Variants in SLC26A7 observed in about 807,000 individuals in gnomAD.
SLC26A7 encodes anion exchange transporter.
Under a neutral mutation model 82.5 loss-of-function variants are expected in SLC26A7, and 59 were observed. That is an observed-to-expected ratio of 0.72 (90% confidence interval 0.58 to 0.89). SLC26A7 has a LOEUF of 0.89. Ranked by LOEUF, SLC26A7 falls within the 40% of genes least tolerant of loss-of-function variation. The pLI is 0.00. For missense variants in SLC26A7, 820 were observed against 793.0 expected, an observed-to-expected ratio of 1.03 and a Z score of -0.41; for synonymous variants, 271 against 274.3, an observed-to-expected ratio of 0.99 and a Z score of 0.12.
intron 9 of SLC26A7, among the ~76,000 whole-genome samples, chr8:91,349,763 T>C (rs1049239431): frequency 6.6e-6 from 1 of 152,146 alleles, no homozygotes; most frequent in Non-Finnish European, 1.5e-5. Flanking sequence ...TGTAAAGATA[T>C]GAGTGAAGAG....
intron 8 of SLC26A7, among the ~76,000 whole-genome samples, chr8:91,342,527 A>C (rs1323618480): frequency 6.6e-6 from 1 of 152,200 alleles, no homozygotes; most frequent in East Asian, 1.9e-4. Context: ...TGGATTGGAT[A>C]TGGGTGCCAT....
intron 2 of SLC26A7, among the ~76,000 whole-genome samples, chr8:91,277,145 C>G (rs756239362): frequency 1.3e-5 from 2 of 152,150 alleles, no homozygotes; most frequent in African/African-American, 4.8e-5. Context: ...CTAATGCACC[C>G]TCAGGAACCC....
At chr8:91,260,923 A>G (rs1012992200) in intron 2 of SLC26A7, among the ~76,000 whole-genome samples, 32 of 152,126 alleles carry the variant, frequency 2.1e-4, no homozygotes, top group Non-Finnish European at 4.1e-4. Flanking sequence ...TCACACAATT[A>G]TGGTTGTTGA....
intron 5 of SLC26A7, among the ~76,000 whole-genome samples, chr8:91,322,038 T>G (rs1004051918): frequency 1.1e-4 from 17 of 152,128 alleles, no homozygotes; most frequent in Admixed American, 2.6e-4. Context: ...ATGTAAAAAA[T>G]TATGCATTTT....
At chr8:91,371,863 G>A (rs977264356) in intron 15 of SLC26A7, among the ~76,000 whole-genome samples, 14 of 151,842 alleles carry the variant, frequency 9.2e-5, no homozygotes, top group African/African-American at 3.4e-4. Context: ...CCTACAGTGT[G>A]TAACCATTTC....
chr8:91,298,207 G>A (rs1168979565), intron 4 of SLC26A7, among the ~76,000 whole-genome samples: 1 of 151,750 alleles, frequency 6.6e-6, no homozygotes, highest in Non-Finnish European at 1.5e-5. Context: ...TTCTCTTCTT[G>A]TAACTGATAA....
At chr8:91,265,855 C>T (rs1279724923) in intron 2 of SLC26A7, among the ~76,000 whole-genome samples, 3 of 151,836 alleles carry the variant, frequency 2.0e-5, no homozygotes, top group Non-Finnish European at 2.9e-5. Context: ...TAGTTAGATG[C>T]ATACTTTGCA....
At chr8:91,334,700 T>C (rs1037898525) in intron 6 of SLC26A7, among the ~76,000 whole-genome samples, 17 of 152,286 alleles carry the variant, frequency 1.1e-4, no homozygotes, top group South Asian at 1.0e-3. Flanking sequence ...TTTATATAAA[T>C]AAGAGAACAT....
chr8:91,312,531 G>A (rs1483131929), intron 4 of SLC26A7, among the ~76,000 whole-genome samples: 1 of 152,108 alleles, frequency 6.6e-6, no homozygotes, highest in Non-Finnish European at 1.5e-5. Flanking sequence ...ACATCACACT[G>A]CTTTTTGTAG....
chr8:91,303,750 T>C (rs542507024), intron 4 of SLC26A7, among the ~76,000 whole-genome samples: 22 of 152,310 alleles, frequency 1.4e-4, no homozygotes, highest in African/African-American at 4.8e-4. Flanking sequence ...TTGCAAGTTT[T>C]AAATAAGAGG....
At chr8:91,354,765 C>T (rs1813815252) in intron 11 of SLC26A7, among the ~76,000 whole-genome samples, 1 of 151,968 alleles carries the variant, frequency 6.6e-6, no homozygotes, top group African/African-American at 2.4e-5. Context: ...ACCACCAGTT[C>T]ATTATATAAT....
At chr8:91,362,575 C>T in intron 12 of SLC26A7, 116 bp downstream of exon 12, 1 of 657,932 alleles carries the variant, frequency 1.5e-6, no homozygotes, top group East Asian at 2.7e-5. Context: ...GTACTACAAT[C>T]TCATGTTTTT....
rs549564537 is a variant in SLC26A7, at chr8:91,238,574, C to CATATAT, written c.-33-11037_-33-11032dup. Among the ~76,000 whole-genome samples the CATATAT allele has an allele frequency of 2.0e-5, 3 of 148,396 alleles. No homozygotes were observed. The East Asian group carries it at 5.9e-4, about 29-fold the overall frequency. Reference sequence around the variant, plus strand: ...ATATACATATATATATACACACACACATATATATATATACATATAATTTGC... The same window carrying CATATAT: ...ATATACATATATATATACACACACACATATATATATATATATATACATATAATTTGC... On this transcript the variant is annotated intron_variant, in intron 2 of 5. Transcript: ENST00000522862.
chr8:91,267,318 C>T (rs1437027801), intron 2 of SLC26A7, among the ~76,000 whole-genome samples: 3 of 151,774 alleles, frequency 2.0e-5, no homozygotes, highest in Admixed American at 6.6e-5. Context: ...TTTTGGAAGA[C>T]TTTGAGAAGA....
chr8:91,292,824 C>A (rs900099177), intron 3 of SLC26A7, among the ~76,000 whole-genome samples: 1 of 151,770 alleles, frequency 6.6e-6, no homozygotes, highest in Non-Finnish European at 1.5e-5. Context: ...AGTAAAAAAC[C>A]TGGGTATTAA....
At chr8:91,348,503 T>C (rs1301670480) in intron 9 of SLC26A7, 1 of 339,826 alleles carries the variant, frequency 2.9e-6, no homozygotes, top group Admixed American at 6.4e-5. Flanking sequence ...GATTATTTCA[T>C]TATCTTTTAT....
intron 2 of SLC26A7, among the ~76,000 whole-genome samples, chr8:91,276,254 A>AT (rs1811404197): frequency 6.6e-6 from 1 of 152,152 alleles, no homozygotes; most frequent in South Asian, 2.1e-4. Context: ...AAGACATGCC[A>AT]TTTTTTATTA....
chr8:91,337,773 T>C (rs1813284547), intron 6 of SLC26A7, among the ~76,000 whole-genome samples: 1 of 152,344 alleles, frequency 6.6e-6, no homozygotes, highest in South Asian at 2.1e-4. Flanking sequence ...GAAAATGTGC[T>C]GTCTTACGAA....
intron 2 of SLC26A7, among the ~76,000 whole-genome samples, chr8:91,253,703 C>T (rs1322984607): frequency 6.6e-6 from 1 of 152,070 alleles, no homozygotes; most frequent in Admixed American, 6.6e-5. Context: ...AAGATGTTTT[C>T]TTCCCTCTTA....
Sources: gnomAD v4.1 joint callset for allele counts (sites outside exome capture counted in the v4.1 genomes callset) on GRCh38, gnomAD v4.1.1 for gene constraint, MANE v1.5 for transcripts, NCBI Gene and HGNC (gene_info 2026-07-23, HGNC 2026-07-21) for gene names.